The following CDK12 variants were observed in gnomAD, a reference collection of about 807,000 sequenced individuals.
CDK12 encodes the protein cyclin-dependent kinase 12.
A neutral mutation model predicts 133.8 loss-of-function variants in CDK12; 17 were observed. That is an observed-to-expected ratio of 0.13 (90% CI 0.09 to 0.19). CDK12 has a LOEUF of 0.19. CDK12 is among the 10% of genes least tolerant of loss of function. The pLI is 1.00. For missense variants in CDK12, 1,508 were observed against 1,818.7 expected (o/e 0.83, Z 3.11); for synonymous variants, 694 against 683.6 (o/e 1.02, Z -0.24).
chr17:39,555,620 G>A (rs1047218188), intron 2 of CDK12, among the ~76,000 whole-genome samples: 4 of 151,928 alleles, frequency 2.6e-5, no homozygotes, highest in African/African-American at 9.7e-5. Flanking sequence ...GGGTATAGAA[G>A]TAGTATTGTG....
rs879840168 is a variant in CDK12, at chr17:39,476,711, C to CTTTTTTTTTTTTTTTTTTTTTTTT, written c.1931+4954_1931+4977dup. 2.4e-4 allele frequency among the ~76,000 whole-genome samples: 20 copies of CTTTTTTTTTTTTTTTTTTTTTTTT among 84,520 alleles called. 2 individuals are homozygous for CTTTTTTTTTTTTTTTTTTTTTTTT. The highest frequency in any genetic ancestry group is 5.7e-4 in the African/African-American group (10 of 17,560). The allele number at this position is 84,520 out of a possible 152,430, so 55.4% of individuals were successfully genotyped here. The stretch of plus-strand genomic sequence containing the variant: ...TACAGGCATGAGCCACCATGCCTGC[C>CTTTTTTTTTTTTTTTTTTTTTTTT]TTTTTTTTTTTTTTTTTTTTTTTTT... On this transcript the variant is annotated intron_variant, in intron 2 of 13. Coordinates refer to ENST00000447079, the MANE Select transcript of CDK12 (RefSeq NM_016507.4).
chr17:39,469,668 G>C (rs1375828191), intron 1 of CDK12, among the ~76,000 whole-genome samples: 1 of 118,088 alleles, frequency 8.5e-6, no homozygotes, highest in African/African-American at 3.2e-5. Context: ...ACGGAATTTT[G>C]CTGTTGTTGC....
intron 11 of CDK12, 110 bp from the exon 12 acceptor site, chr17:39,524,564 A>G: frequency 1.1e-6 from 1 of 942,610 alleles, no homozygotes; most frequent in Non-Finnish European, 1.6e-6. Flanking sequence ...TGTTTTCCTT[A>G]TTCTTTACAT....
Position 39,462,896 on chromosome 17 carries a change from C to G in CDK12, c.825C>G (p.Val275=). 6.2e-7 allele frequency: 1 copy of G among 1,614,218 alleles called. No homozygotes were observed. Among genetic ancestry groups the G allele is most frequent in the East Asian group, 2.2e-5 (1 of 44,890 alleles). Residue 275 remains valine, a synonymous_variant, in exon 1 of 14, where the codon GTC becomes GTG. Coordinates refer to ENST00000447079, the MANE Select transcript of CDK12 (RefSeq NM_016507.4). ...SPGSTSRRQS[V]SPPYKEPSAY... The stretch of plus-strand genomic sequence containing the variant: ...GAAGTACCTCGAGAAGGCAGTCGGT[C>G]AGTCCCCCTTACAAGGAGCCTTCGG...
chr17:39,482,599 A>ATTTTCTTTTTTTTTTTT (rs2050801333), intron 2 of CDK12, among the ~76,000 whole-genome samples: 1 of 74,392 alleles, frequency 1.3e-5, no homozygotes. Context: ...AATCAACTAC[A>ATTTTCTTTTTTTTTTTT]TTTTTTTTTT....
intron 11 of CDK12, among the ~76,000 whole-genome samples, chr17:39,523,430 T>C (rs1010392116): frequency 3.3e-5 from 5 of 151,934 alleles, no homozygotes; most frequent in African/African-American, 1.2e-4. Flanking sequence ...GAACTGAGAT[T>C]GCACCACTGC....
At chr17:39,496,553 A>G (rs1300380616) in intron 5 of CDK12, among the ~76,000 whole-genome samples, 2 of 152,108 alleles carry the variant, frequency 1.3e-5, no homozygotes, top group Admixed American at 1.3e-4. Context: ...TACAATAATT[A>G]GCTGGGCATG....
chr17:39,488,629 T>C lies in CDK12; in HGVS notation c.1932-1928T>C, dbSNP rs189976463. Among the ~76,000 whole-genome samples the C allele has an allele frequency of 3.9e-5, 6 of 152,332 alleles. No homozygotes were observed. In the East Asian group the frequency reaches 1.2e-3, roughly 29 times the overall value. On this transcript the variant is annotated intron_variant, in intron 2 of 13. Coordinates refer to ENST00000447079, the MANE Select transcript of CDK12 (RefSeq NM_016507.4). ...CTTTAGCGATAGAGTAGTATTAAAT[T>C]GTTGAGCTCTTCTTGTTTGTTAAAT... is the stretch of plus-strand genomic sequence containing the variant.
chr17:39,478,944 TC>T (rs896373275), intron 2 of CDK12, among the ~76,000 whole-genome samples: 4 of 152,226 alleles, frequency 2.6e-5, no homozygotes, highest in South Asian at 2.1e-4. Context: ...TACCAGCTGC[TC>T]CATATCCATG....
intron 6 of CDK12, among the ~76,000 whole-genome samples, chr17:39,508,550 G>A (rs370959537): frequency 2.6e-5 from 4 of 152,028 alleles, no homozygotes; most frequent in African/African-American, 9.7e-5. Context: ...AGAGCATCAG[G>A]AAAAATAGCT....
In CDK12 at chr17:39,462,083, A is replaced by G. The variant is rs745968303; in HGVS notation, c.12A>G (p.Ser4=). ...TCAGGGGAAAGGGAATGCCCAATTC[A>G]GAGAGACATGGGGGCAAGAAGGACG... MPN[S]ERHGGKKDGS... Residue 4 remains serine, a synonymous_variant, in exon 1 of 14, where the codon TCA becomes TCG. Transcript: ENST00000447079. 6 of 1,613,764 alleles carry G rather than the reference A, an allele frequency of 3.7e-6. No individual in the cohort carries two copies. Among genetic ancestry groups the G allele is most frequent in the Non-Finnish European group, 1.7e-6 (2 of 1,179,736 alleles).
intron 3 of CDK12, among the ~76,000 whole-genome samples, chr17:39,560,640 A>G (rs2056338955): frequency 6.6e-6 from 1 of 152,218 alleles, no homozygotes; most frequent in Non-Finnish European, 1.5e-5. Flanking sequence ...CTACTAGCAG[A>G]GAGATGTTGG....
intron 4 of CDK12, 27 bp from the exon 5 acceptor site, chr17:39,494,497 A>G (rs2051912642): frequency 6.2e-7 from 1 of 1,609,450 alleles, no homozygotes; most frequent in Non-Finnish European, 8.5e-7. Context: ...GCTCATTGAT[A>G]ATAACAGTTT....
At position 39,461,875 on chromosome 17, in the gene CDK12, T is replaced by A. The variant is rs773044018; in HGVS notation, c.-197T>A. On this transcript the variant is annotated 5_prime_UTR_variant, in exon 1 of 14. Transcript: ENST00000447079. ...GAGGAACTCTCATTTCTTCCCTCGC[T>A]CCTTCACCCCCCACCTCATGTAGAA... 3 of 592,674 alleles carry A rather than the reference T, an allele frequency of 5.1e-6. No homozygotes were observed. Among genetic ancestry groups the A allele is most frequent in the Admixed American group, 3.0e-5 (1 of 33,636 alleles). The allele number at this position is 592,674 out of a possible 1,614,324, so 36.7% of individuals were successfully genotyped here.
chr17:39,545,137 A>G (rs1297246341), upstream of CDK12, among the ~76,000 whole-genome samples: 1 of 151,888 alleles, frequency 6.6e-6, no homozygotes, highest in Non-Finnish European at 1.5e-5. Flanking sequence ...TGGGTTGCTG[A>G]TGTCAGTTAG....
chr17:39,492,338 C>T (rs1238885537), intron 3 of CDK12, among the ~76,000 whole-genome samples: 3 of 143,838 alleles, frequency 2.1e-5, no homozygotes, highest in Admixed American at 7.1e-5. Context: ...CCTCGTGATC[C>T]ACCTGCCTCG....
Position 39,531,228 on chromosome 17 carries a change from C to T in CDK12, c.4385C>T (p.Pro1462Leu), listed in dbSNP as rs1040077213. 2.0e-6 allele frequency: 3 copies of T among 1,515,422 alleles called. No individual in the cohort carries two copies. Among genetic ancestry groups the T allele is most frequent in the Non-Finnish European group, 1.8e-6 (2 of 1,134,190 alleles). 93.9% of individuals were successfully genotyped at this position (1,515,422 alleles called of 1,614,324 possible). A position where few individuals can be genotyped will look rare whatever the true frequency, so the allele number is the denominator to read the frequency against. Residue 1462 changes from proline (P) to leucine (L), a missense_variant, in exon 14 of 14, where the codon CCA becomes CTA. Coordinates refer to ENST00000447079, the MANE Select transcript of CDK12 (RefSeq NM_016507.4). ...SSGAGLHWGG[P>L]TQSSAYGKLY... is the part of the protein sequence containing the mutation. ...GGAGCAGGCCTTCACTGGGGGGGCC[C>T]AACTCAGTCTTCTGCTTATGGAAAA...
intron 2 of CDK12, among the ~76,000 whole-genome samples, chr17:39,484,500 TA>T (rs1157756530): frequency 6.6e-6 from 1 of 152,200 alleles, no homozygotes; most frequent in Non-Finnish European, 1.5e-5. Context: ...CTAAAGGTGA[TA>T]ATGTTAAGCA....
intron 6 of CDK12, among the ~76,000 whole-genome samples, chr17:39,504,534 G>C (rs1215459172): frequency 6.6e-6 from 1 of 151,954 alleles, no homozygotes; most frequent in Non-Finnish European, 1.5e-5. Context: ...TACTGGTAGG[G>C]GGTGTCTTTA....
Sources: allele counts gnomAD v4.1 joint callset (sites outside exome capture counted in the v4.1 genomes callset), GRCh38; gene constraint gnomAD v4.1.1; transcripts MANE v1.5; gene names NCBI Gene and HGNC (gene_info 2026-07-23, HGNC 2026-07-21).